The following KIAA1217 variants were observed in gnomAD, a reference collection of about 807,000 sequenced individuals.
KIAA1217 encodes the protein KIAA1217.
A neutral mutation model predicts 163.9 loss-of-function variants in KIAA1217; 88 were observed. The ratio of observed to expected loss-of-function variants is 0.54; its 90% CI spans 0.45 to 0.64. KIAA1217 has a LOEUF of 0.64. KIAA1217 is among the 30% of genes least tolerant of loss of function. KIAA1217 has a pLI of 0.00. For synonymous variants in KIAA1217, 903 were observed against 923.1 expected (o/e 0.98, Z 0.39); for missense variants, 2,372 against 2,475.0 (o/e 0.96, Z 0.88).
At chr10:24,491,414 C>T (rs1033064899) in intron 6 of KIAA1217, among the ~76,000 whole-genome samples, 13 of 151,244 alleles carry the variant, frequency 8.6e-5, no homozygotes, top group African/African-American at 1.2e-4. Flanking sequence ...CTCAGCCTCC[C>T]GAGTAGCTGG....
rs552290378 is a variant in KIAA1217 at position 24,191,357 on chromosome 10, T to G, written c.-170-28269T>G. 4.2e-4 allele frequency among the ~76,000 whole-genome samples: 64 copies of G among 152,296 alleles called. 1 individual carries two copies. Among genetic ancestry groups the G allele is most frequent in the African/African-American group, 1.5e-3 (61 of 41,560 alleles). ...AAGTTCTCCATTCAGGAGAGTTATA[T>G]AAGGTTTGGAAATACCTGCAAAAAT... On this transcript the variant is annotated intron_variant, in intron 2 of 18. Transcript: ENST00000376462.
At chr10:24,533,491 A>G (rs2073446356) in intron 16 of KIAA1217, among the ~76,000 whole-genome samples, 1 of 152,218 alleles carries the variant, frequency 6.6e-6, no homozygotes, top group South Asian at 2.1e-4. Context: ...TGTAAAATTG[A>G]CTTTCCTTTC....
chr10:24,147,664 G>C lies in KIAA1217; in HGVS notation c.-170-71962G>C, dbSNP rs547146118. Among the ~76,000 whole-genome samples the C allele has an allele frequency of 1.6e-4, 24 of 151,590 alleles. No individual in the cohort carries two copies. The East Asian group carries it at 4.7e-3, about 30-fold the overall frequency. On this transcript the variant is annotated intron_variant, in intron 2 of 18. Coordinates refer to the KIAA1217 transcript ENST00000376462. ...TTGAGACCAGCCTGGCCAACATGACGAAATCCAGTCTCCATTAAATTAGCC... is the reference window on the plus strand; with the variant it reads ...TTGAGACCAGCCTGGCCAACATGACCAAATCCAGTCTCCATTAAATTAGCC...
At chr10:24,405,431 TC>T (rs1333159496) in intron 3 of KIAA1217, among the ~76,000 whole-genome samples, 7 of 152,008 alleles carry the variant, frequency 4.6e-5, no homozygotes, top group Admixed American at 1.3e-4. Flanking sequence ...TGAGCATAAA[TC>T]CTAATAAATC....
intron 2 of KIAA1217, among the ~76,000 whole-genome samples, chr10:24,066,624 G>T (rs1184852567): frequency 6.6e-6 from 1 of 152,032 alleles, no homozygotes; most frequent in African/African-American, 2.4e-5. Flanking sequence ...ATGTGTCTTG[G>T]AGTTGCTCTT....
At chr10:24,460,802 C>A (rs74861702) in intron 5 of KIAA1217, among the ~76,000 whole-genome samples, 12,519 of 152,102 alleles carry the variant, frequency 0.082, 657 homozygotes, top group East Asian at 0.18. Context: ...TTCCTGTAGA[C>A]GGGCTAAGAC....
chr10:24,103,975 T>G (rs1444043727), intron 2 of KIAA1217, among the ~76,000 whole-genome samples: 2 of 151,998 alleles, frequency 1.3e-5, no homozygotes, highest in Non-Finnish European at 2.9e-5. Flanking sequence ...TAATGGGTGA[T>G]ATTTTTGGCT....
chr10:24,449,370 C>T (rs1265730212), intron 5 of KIAA1217: 1 of 673,980 alleles, frequency 1.5e-6, no homozygotes, highest in African/African-American at 2.0e-5. Flanking sequence ...ACAACATGAG[C>T]CATATTGTAT....
chr10:24,391,594 C>T (rs1204111459), intron 3 of KIAA1217, among the ~76,000 whole-genome samples: 3 of 152,210 alleles, frequency 2.0e-5, no homozygotes, highest in African/African-American at 4.8e-5. Context: ...ATCCACCCAC[C>T]TCAGCCTCCC....
chr10:23,962,837 C>T (rs1023438832), intron 1 of KIAA1217, among the ~76,000 whole-genome samples: 24 of 152,098 alleles, frequency 1.6e-4, no homozygotes, highest in African/African-American at 4.3e-4. Context: ...TTTTTTAGAA[C>T]GGAACATGAC....
At position 23,899,566 on chromosome 10, in the gene KIAA1217, G is replaced by A. The variant is rs187444186; in HGVS notation, c.-320-107659G>A. On this transcript the variant is annotated intron_variant, in intron 1 of 18. Transcript: ENST00000376462. ...TGTAACTGCAACTTTTTAATTGACC[G>A]TAACTCTGTCAGCTCTTTTCCCCAT... Among the ~76,000 whole-genome samples the A allele has an allele frequency of 8.5e-4, 130 of 152,170 alleles. 1 individual carries two copies. Among genetic ancestry groups the A allele is most frequent in the Admixed American group, 1.4e-3 (21 of 15,278 alleles).
intron 2 of KIAA1217, among the ~76,000 whole-genome samples, chr10:24,182,930 G>T (rs955856253): frequency 1.3e-5 from 2 of 152,166 alleles, no homozygotes; most frequent in African/African-American, 4.8e-5. Flanking sequence ...GTTAAAAAGT[G>T]ATCCCCAATG....
At chr10:23,870,874 T>C (rs1840426358) in intron 1 of KIAA1217, among the ~76,000 whole-genome samples, 1 of 152,230 alleles carries the variant, frequency 6.6e-6, no homozygotes, top group Admixed American at 6.5e-5. Flanking sequence ...TCTGAAGTTG[T>C]TCCTATTATC....
At chr10:23,909,810 G>A (rs1051605956) in intron 1 of KIAA1217, among the ~76,000 whole-genome samples, 3 of 152,326 alleles carry the variant, frequency 2.0e-5, no homozygotes, top group Admixed American at 2.0e-4. Flanking sequence ...TATATACCCA[G>A]TAATGGGATT....
chr10:23,821,557 GC>G (rs1333617970), intron 1 of KIAA1217, among the ~76,000 whole-genome samples: 4 of 152,138 alleles, frequency 2.6e-5, no homozygotes, highest in Non-Finnish European at 5.9e-5. Context: ...AGGAAGCAGG[GC>G]CTTTCCCACT....
At chr10:24,009,338 G>A (rs1031178254) in intron 2 of KIAA1217, among the ~76,000 whole-genome samples, 6 of 151,970 alleles carry the variant, frequency 3.9e-5, no homozygotes, top group Non-Finnish European at 8.8e-5. Context: ...TTGGGTAAGC[G>A]TTAGAGAGAG....
intron 1 of KIAA1217, among the ~76,000 whole-genome samples, chr10:23,730,723 A>T (rs1838427024): frequency 6.6e-6 from 1 of 152,104 alleles, no homozygotes; most frequent in African/African-American, 2.4e-5. Context: ...TTCAATTTAT[A>T]CCTAAGTATT....
At chr10:24,013,843 T>G (rs148589605) in intron 2 of KIAA1217, among the ~76,000 whole-genome samples, 2,724 of 151,932 alleles carry the variant, frequency 0.018, 53 homozygotes, top group Admixed American at 0.022. Context: ...AGGAGAGATA[T>G]GGAAGAAGCT....
In KIAA1217 at chr10:23,987,376, C is replaced by CAAA. The variant is rs34281134; in HGVS notation, c.-320-19835_-320-19833dup. Among the ~76,000 whole-genome samples, 72 of 93,562 alleles carry CAAA rather than the reference C, an allele frequency of 7.7e-4. 2 individuals carry two copies. The highest frequency in any genetic ancestry group is 2.5e-3 in the African/African-American group (62 of 25,216). The allele number at this position is 93,562 out of a possible 152,430, so 61.4% of individuals were successfully genotyped here. On this transcript the variant is annotated intron_variant, in intron 1 of 18. Coordinates refer to the KIAA1217 transcript ENST00000376462. Reference sequence around the variant, plus strand: ...TGGGCGACACAGCGAGACTCCATCTCAAAAAAAAAAAAAAAAGCCACCCTT... The same window carrying CAAA: ...TGGGCGACACAGCGAGACTCCATCTCAAAAAAAAAAAAAAAAAAAGCCACCCTT...
Sources: allele counts gnomAD v4.1 joint callset (sites outside exome capture counted in the v4.1 genomes callset), GRCh38; gene constraint gnomAD v4.1.1; transcripts MANE v1.5; gene names NCBI Gene and HGNC (gene_info 2026-07-23, HGNC 2026-07-21).